KLF13: variants seen among roughly 807,000 people sequenced by gnomAD.
The protein encoded by KLF13 is KLF transcription factor 13, also known as Krueppel-like factor 13.
Under a neutral mutation model 16.7 loss-of-function variants are expected in KLF13, and 8 were observed. That is an observed-to-expected ratio of 0.48 (90% confidence interval 0.28 to 0.87). The LOEUF (loss-of-function observed/expected upper bound fraction) is 0.87. Among genes scored for constraint, KLF13 ranks in the 40% least tolerant of loss-of-function variants. KLF13 has a pLI of 0.10. For missense variants in KLF13, 447 were observed against 452.2 expected, an observed-to-expected ratio of 0.99 and a Z score of 0.10; for synonymous variants, 245 against 208.4, an observed-to-expected ratio of 1.18 and a Z score of -1.51.
At chr15:31,433,661 C>G (rs1281107391) in intron 1 of KLF13, among the ~76,000 whole-genome samples, 2 of 151,884 alleles carry the variant, frequency 1.3e-5, no homozygotes, top group East Asian at 1.9e-4. Context: ...ACTATGGCAC[C>G]TTTGTGGGCC....
chr15:31,404,904 CAG>C (rs958554640), downstream of KLF13, among the ~76,000 whole-genome samples: 2 of 152,168 alleles, frequency 1.3e-5, no homozygotes, highest in African/African-American at 2.4e-5. Context: ...GGTCTTCACT[CAG>C]GGGTATGGAT....
chr15:31,380,510 C>T (rs981230650), downstream of KLF13, among the ~76,000 whole-genome samples: 3 of 152,200 alleles, frequency 2.0e-5, no homozygotes, highest in African/African-American at 7.2e-5. Context: ...ATCATCAAGA[C>T]CCTCTGACAC....
chr15:31,358,130 G>A (rs924730774), intron 1 of KLF13, among the ~76,000 whole-genome samples: 18 of 152,182 alleles, frequency 1.2e-4, no homozygotes, highest in Admixed American at 1.0e-3. Flanking sequence ...CTGTTGGGCA[G>A]CCAGCATCTC....
chr15:31,422,534 G>GA (rs2040341502), intron 1 of KLF13, among the ~76,000 whole-genome samples: 2 of 145,442 alleles, frequency 1.4e-5, no homozygotes, highest in South Asian at 4.5e-4. Flanking sequence ...CCCTGCCCTT[G>GA]ACATGTGGGG....
intron 1 of KLF13, among the ~76,000 whole-genome samples, chr15:31,341,810 C>T (rs565559808): frequency 1.3e-5 from 2 of 152,188 alleles, no homozygotes; most frequent in Non-Finnish European, 2.9e-5. Flanking sequence ...TGGGGTGATG[C>T]TCCTGGCATC....
chr15:31,390,881 A>G (rs2039854883), upstream of KLF13, among the ~76,000 whole-genome samples: 1 of 148,090 alleles, frequency 6.8e-6, no homozygotes, highest in South Asian at 2.2e-4. Flanking sequence ...CCTTACTCAA[A>G]TCTCATTCAT....
At chr15:31,353,330 G>A (rs1039649827) in intron 1 of KLF13, among the ~76,000 whole-genome samples, 1 of 152,150 alleles carries the variant, frequency 6.6e-6, no homozygotes, top group Admixed American at 6.5e-5. Flanking sequence ...TGTCCCAGGC[G>A]TTCTGTAACC....
intron 2 of KLF13, among the ~76,000 whole-genome samples, chr15:31,398,259 C>T (rs1489040460): frequency 6.6e-6 from 1 of 152,144 alleles, no homozygotes; most frequent in African/African-American, 2.4e-5. Context: ...ACAACCATGG[C>T]CATCACAGCA....
intron 1 of KLF13, among the ~76,000 whole-genome samples, chr15:31,383,983 T>C (rs1192666658): frequency 6.6e-6 from 1 of 152,156 alleles, no homozygotes; most frequent in African/African-American, 2.4e-5. Flanking sequence ...GAATAGGAGA[T>C]TAATTCAATG....
At chr15:31,404,094 G>A (rs1194091572) in exon 3 of KLF13, 7 of 152,376 alleles carry the variant, frequency 4.6e-5, no homozygotes, top group Admixed American at 6.5e-5. Context: ...TGGCCAAGTA[G>A]CATAAGCCAA....
At chr15:31,429,157 A>G (rs1293265993) in intron 1 of KLF13, among the ~76,000 whole-genome samples, 1 of 152,178 alleles carries the variant, frequency 6.6e-6, no homozygotes, top group Non-Finnish European at 1.5e-5. Flanking sequence ...ATTGATGACA[A>G]AAAGTGACAG....
intron 1 of KLF13, among the ~76,000 whole-genome samples, chr15:31,419,461 A>G (rs1184082151): frequency 6.6e-6 from 1 of 152,180 alleles, no homozygotes; most frequent in Non-Finnish European, 1.5e-5. Context: ...ATGATCAAAG[A>G]GACAAAAACT....
chr15:31,415,234 G>C (rs1267839553), intron 1 of KLF13, among the ~76,000 whole-genome samples: 1 of 152,156 alleles, frequency 6.6e-6, no homozygotes, highest in Non-Finnish European at 1.5e-5. Flanking sequence ...AGAACCATGA[G>C]CTAAATAAAA....
Position 31,411,906 on chromosome 15 carries a change from A to G in KLF13, n.117+18215A>G, listed in dbSNP as rs547027710. On this transcript the variant is annotated intron_variant and non_coding_transcript_variant, in intron 1 of 1. Coordinates refer to the KLF13 transcript ENST00000558225. Reference sequence around the variant, plus strand: ...CTAGCATCATATTTGGTTGTGAAAGACTCAATATGTCTACCCAAGGATCAG... The same window carrying G: ...CTAGCATCATATTTGGTTGTGAAAGGCTCAATATGTCTACCCAAGGATCAG... 1.4e-4 allele frequency among the ~76,000 whole-genome samples: 21 copies of G among 152,246 alleles called. No homozygotes were observed. The South Asian group carries it at 3.9e-3, about 29-fold the overall frequency.
chr15:31,381,661 C>T (rs73383039), downstream of KLF13, among the ~76,000 whole-genome samples: 604 of 152,328 alleles, frequency 4.0e-3, 6 homozygotes, highest in African/African-American at 0.014. Context: ...AAGGAGCCTG[C>T]ATCCCACTCT....
chr15:31,405,169 G>A (rs145733001), downstream of KLF13, among the ~76,000 whole-genome samples: 36 of 152,234 alleles, frequency 2.4e-4, no homozygotes, highest in African/African-American at 8.7e-4. Context: ...GAAAACAAGA[G>A]CCTGCGTAGT....
intron 1 of KLF13, among the ~76,000 whole-genome samples, chr15:31,413,545 A>G (rs1291171029): frequency 6.6e-6 from 1 of 152,220 alleles, no homozygotes; most frequent in Non-Finnish European, 1.5e-5. Flanking sequence ...AACACAGGTC[A>G]GAAGGCAGTG....
In KLF13 at chr15:31,373,797, C is replaced by T. The variant is rs973107153; in HGVS notation, c.*1498C>T. 2 of 152,030 alleles carry T rather than the reference C, an allele frequency of 1.3e-5. No individual in the cohort carries two copies. Among genetic ancestry groups the T allele is most frequent in the African/African-American group, 4.8e-5 (2 of 41,278 alleles). The allele number at this position is 152,030 out of a possible 1,614,324, so 9.4% of individuals were successfully genotyped here. A position where few individuals can be genotyped will look rare whatever the true frequency, so the allele number is the denominator to read the frequency against. Reference sequence around the variant, plus strand: ...GGCCCAGGTATCACCTTCCCTTCCTCCTGAGAGTTGAGGCCTGTAAATACA... The same window carrying T: ...GGCCCAGGTATCACCTTCCCTTCCTTCTGAGAGTTGAGGCCTGTAAATACA... On this transcript the variant is annotated 3_prime_UTR_variant, in exon 2 of 2. Coordinates refer to ENST00000307145, the MANE Select transcript of KLF13 (RefSeq NM_015995.4).
downstream of KLF13, among the ~76,000 whole-genome samples, chr15:31,407,179 G>C (rs1273438636): frequency 6.6e-6 from 1 of 152,154 alleles, no homozygotes. Flanking sequence ...TATTTGATAG[G>C]ATGATTGAGA....
Sources: allele counts gnomAD v4.1 joint callset (sites outside exome capture counted in the v4.1 genomes callset), GRCh38; gene constraint gnomAD v4.1.1; transcripts MANE v1.5; gene names NCBI Gene and HGNC (gene_info 2026-07-23, HGNC 2026-07-21).